Variants in RGS6 observed in about 807,000 individuals in gnomAD.
RGS6 encodes the protein regulator of G-protein signaling 6.
A neutral mutation model predicts 78.5 loss-of-function variants in RGS6; 30 were observed. That is an observed-to-expected ratio of 0.38 (90% confidence interval 0.29 to 0.52). RGS6 has a LOEUF of 0.52. RGS6 is among the 20% of genes least tolerant of loss of function. RGS6 has a pLI of 0.85. For missense variants in RGS6, 495 were observed against 609.7 expected, an observed-to-expected ratio of 0.81 and a Z score of 1.98; for synonymous variants, 206 against 206.0, an observed-to-expected ratio of 1.00 and a Z score of 0.00.
intron 3 of RGS6, among the ~76,000 whole-genome samples, chr14:72,354,944 A>G (rs1300936725): frequency 2.0e-5 from 3 of 151,858 alleles, no homozygotes; most frequent in South Asian, 2.1e-4. Flanking sequence ...TTACTATATT[A>G]TTTTTCACAT....
At chr14:71,939,693 G>T (rs1005657049) in intron 1 of RGS6, among the ~76,000 whole-genome samples, 4 of 152,202 alleles carry the variant, frequency 2.6e-5, no homozygotes, top group African/African-American at 9.7e-5. Flanking sequence ...GCTGCAATTG[G>T]CATCACCACT....
intron 17 of RGS6, 91 bp from the exon 18 acceptor site, chr14:72,562,326 C>T (rs2097686838): frequency 1.5e-6 from 2 of 1,330,246 alleles, no homozygotes; most frequent in Non-Finnish European, 1.1e-6. Context: ...CTACATGGCT[C>T]ATGCAACAAT....
At chr14:72,616,812 C>T in the RGS6 span, among the ~76,000 whole-genome samples, 22 of 152,192 alleles carry the variant, frequency 1.4e-4, 1 homozygote, top group Non-Finnish European at 2.5e-4. Flanking sequence ...TTACCAACCC[C>T]GTCCTCTTTT....
chr14:72,012,801 A>G (rs894881715), intron 2 of RGS6, among the ~76,000 whole-genome samples: 10 of 152,196 alleles, frequency 6.6e-5, no homozygotes, highest in African/African-American at 2.2e-4. Flanking sequence ...GAACCTCTCT[A>G]TTCCTCATTT....
intron 14 of RGS6, 67 bp downstream of exon 14, chr14:72,510,346 CATCTCT>C: frequency 6.3e-7 from 1 of 1,575,864 alleles, no homozygotes; most frequent in Non-Finnish European, 8.7e-7. Context: ...TCGGTCTCTC[CATCTCT>C]CTCTCTCTCA....
chr14:71,969,829 A>G (rs2093703790), intron 2 of RGS6, among the ~76,000 whole-genome samples: 1 of 152,226 alleles, frequency 6.6e-6, no homozygotes, highest in Non-Finnish European at 1.5e-5. Flanking sequence ...TTCTGCAATG[A>G]TTTCAAAGTT....
chr14:72,220,751 G>T (rs1489580514), intron 2 of RGS6, among the ~76,000 whole-genome samples: 1 of 152,156 alleles, frequency 6.6e-6, no homozygotes, highest in East Asian at 1.9e-4. Context: ...TGGCCTAAAA[G>T]AATATCGTCT....
At chr14:71,944,177 A>G (rs2091109468) in intron 1 of RGS6, among the ~76,000 whole-genome samples, 1 of 152,226 alleles carries the variant, frequency 6.6e-6, no homozygotes, top group Non-Finnish European at 1.5e-5. Context: ...CCTAAACAAA[A>G]ACTTGCTCAG....
intron 2 of RGS6, among the ~76,000 whole-genome samples, chr14:72,313,643 C>T (rs1054889899): frequency 2.0e-5 from 3 of 152,204 alleles, no homozygotes; most frequent in African/African-American, 7.2e-5. Flanking sequence ...ACACGAGCCT[C>T]CCATCTCTAT....
At chr14:72,282,971 T>C (rs2061841991) in intron 2 of RGS6, among the ~76,000 whole-genome samples, 1 of 152,098 alleles carries the variant, frequency 6.6e-6, no homozygotes, top group Admixed American at 6.5e-5. Flanking sequence ...GATTCTACTC[T>C]CTGCTTCTAT....
At chr14:72,257,109 T>G (rs1221415265) in intron 2 of RGS6, among the ~76,000 whole-genome samples, 1 of 152,198 alleles carries the variant, frequency 6.6e-6, no homozygotes, top group Admixed American at 6.5e-5. Flanking sequence ...ACTGTGTTTT[T>G]GATTTGTTCT....
the RGS6 span, among the ~76,000 whole-genome samples, chr14:71,870,974 A>G: frequency 6.6e-6 from 1 of 152,160 alleles, no homozygotes; most frequent in South Asian, 2.1e-4. Context: ...AGGAGGAGAA[A>G]ATTACATTAG....
chr14:72,420,159 C>T (rs2094094572), intron 3 of RGS6, among the ~76,000 whole-genome samples: 1 of 152,220 alleles, frequency 6.6e-6, no homozygotes, highest in South Asian at 2.1e-4. Context: ...CCAGGCTTGC[C>T]TCCAATTTTC....
chr14:72,231,591 G>A (rs1466004034), intron 2 of RGS6, among the ~76,000 whole-genome samples: 9 of 152,214 alleles, frequency 5.9e-5, no homozygotes, highest in Non-Finnish European at 7.3e-5. Flanking sequence ...CCAGTGGTAA[G>A]CGTGTTATGA....
At chr14:72,620,020 A>G in the RGS6 span, 2 of 1,500,368 alleles carry the variant, frequency 1.3e-6, no homozygotes, top group Non-Finnish European at 8.9e-7. Context: ...AGGAGGAGAG[A>G]TTCCATTATT....
chr14:72,075,371 C>T (rs1458638179), intron 2 of RGS6, among the ~76,000 whole-genome samples: 3 of 152,118 alleles, frequency 2.0e-5, no homozygotes, highest in Non-Finnish European at 2.9e-5. Flanking sequence ...TAAGTAAATA[C>T]GATACAGCCT....
chr14:72,427,469 A>T (rs1233635533), intron 3 of RGS6, among the ~76,000 whole-genome samples: 1 of 152,144 alleles, frequency 6.6e-6, no homozygotes, highest in Non-Finnish European at 1.5e-5. Flanking sequence ...ACCCTAACTG[A>T]TGTTGCATTG....
At chr14:72,350,947 G>C (rs1405882957) in intron 2 of RGS6, among the ~76,000 whole-genome samples, 1 of 152,110 alleles carries the variant, frequency 6.6e-6, no homozygotes, top group Non-Finnish European at 1.5e-5. Flanking sequence ...TGATGATGAT[G>C]ATGTTATGCC....
intron 2 of RGS6, among the ~76,000 whole-genome samples, chr14:72,097,889 G>A (rs894004040): frequency 2.0e-5 from 3 of 152,118 alleles, no homozygotes; most frequent in African/African-American, 7.2e-5. Context: ...CATCAGCCAA[G>A]CAACGTGTAG....
Sources: allele counts gnomAD v4.1 joint callset (sites outside exome capture counted in the v4.1 genomes callset), GRCh38; gene constraint gnomAD v4.1.1; transcripts MANE v1.5; gene names NCBI Gene and HGNC (gene_info 2026-07-23, HGNC 2026-07-21).